RER1: variants seen among roughly 807,000 people sequenced by gnomAD.
RER1 encodes the protein protein RER1.
In RER1, 6 loss-of-function variants were observed where a neutral mutation model predicts 28.3. The ratio of observed to expected loss-of-function variants is 0.21; its 90% CI spans 0.12 to 0.42. The LOEUF (loss-of-function observed/expected upper bound fraction) is 0.42, where lower values mean the gene tolerates loss of function less well. Ranked by LOEUF, RER1 falls within the 10% of genes least tolerant of loss-of-function variation. RER1 has a pLI of 1.00. For synonymous variants in RER1, 110 were observed against 95.9 expected (o/e 1.15, Z -0.86); for missense variants, 159 against 252.9 (o/e 0.63, Z 2.52).
intron 3 of RER1, among the ~76,000 whole-genome samples, chr1:2,398,512 C>G (rs921878733): frequency 1.3e-5 from 2 of 152,218 alleles, no homozygotes; most frequent in African/African-American, 4.8e-5. Context: ...CTTCAGCTTC[C>G]CGAGCAGCTG....
chr1:2,397,330 A>C, intron 3 of RER1, 110 bp downstream of exon 3: 1 of 732,066 alleles, frequency 1.4e-6, no homozygotes, highest in Non-Finnish European at 2.5e-6. Context: ...GTCTCTAGTA[A>C]TCAATTTTCA....
intron 4 of RER1, among the ~76,000 whole-genome samples, chr1:2,400,490 A>C (rs966265548): frequency 2.6e-5 from 4 of 152,210 alleles, no homozygotes; most frequent in African/African-American, 9.7e-5. Flanking sequence ...CCCGGGTTCC[A>C]CGGTCAGCGC....
At chr1:2,398,071 C>T (rs937969081) in intron 3 of RER1, among the ~76,000 whole-genome samples, 6 of 152,212 alleles carry the variant, frequency 3.9e-5, no homozygotes, top group African/African-American at 1.4e-4. Context: ...GGACTTCAGG[C>T]AGGAGCAGGG....
chr1:2,400,127 G>A (rs937876508), intron 4 of RER1, among the ~76,000 whole-genome samples: 8 of 152,242 alleles, frequency 5.3e-5, no homozygotes, highest in African/African-American at 1.9e-4. Flanking sequence ...AGCCCCAGGC[G>A]AGGAACAAAC....
At chr1:2,392,013 C>G (rs1270298895) in intron 1 of RER1, 55 bp downstream of exon 1, 1 of 152,670 alleles carries the variant, frequency 6.6e-6, no homozygotes, top group African/African-American at 2.4e-5. Context: ...GCCTCCGCTT[C>G]TTCCGGGCTG....
chr1:2,405,252 C>T lies in RER1; in HGVS notation c.*2128C>T, dbSNP rs1285233098. 4 of 271,952 alleles carry T rather than the reference C, an allele frequency of 1.5e-5. No homozygotes were observed. Among genetic ancestry groups the T allele is most frequent in the South Asian group, 3.7e-5 (1 of 27,298 alleles). The allele number at this position is 271,952 out of a possible 1,614,324, so 16.8% of individuals were successfully genotyped here. On this transcript the variant is annotated 3_prime_UTR_variant, in exon 7 of 7. Coordinates refer to ENST00000605895, the MANE Select transcript of RER1 (RefSeq NM_007033.5). ...GGGATGTGCTCTGCCCAGCCGCCCTCGGGGAGAGCAGCGCCGCCTCCCATG... is the reference window on the plus strand; with the variant it reads ...GGGATGTGCTCTGCCCAGCCGCCCTTGGGGAGAGCAGCGCCGCCTCCCATG...
chr1:2,397,693 A>G (rs1015235020), intron 3 of RER1, among the ~76,000 whole-genome samples: 1 of 152,208 alleles, frequency 6.6e-6, no homozygotes, highest in Admixed American at 6.5e-5. Flanking sequence ...ACGCCGAGTC[A>G]AGTAAGAGAG....
rs1057168518 is a variant in RER1 at position 2,403,816 on chromosome 1, G to C, written c.*692G>C. ...AGTGTTTTGTTTTTAATTTAAATCTGTCCTCATGCAACCCTCCATGAGGGG... is the reference window on the plus strand; with the variant it reads ...AGTGTTTTGTTTTTAATTTAAATCTCTCCTCATGCAACCCTCCATGAGGGG... On this transcript the variant is annotated 3_prime_UTR_variant, in exon 7 of 7. Coordinates refer to ENST00000605895, the MANE Select transcript of RER1 (RefSeq NM_007033.5). The C allele has an allele frequency of 6.6e-6, 1 of 152,508 alleles. No homozygotes were observed. Among genetic ancestry groups the C allele is most frequent in the African/African-American group, 2.4e-5 (1 of 41,418 alleles). 9.4% of individuals were successfully genotyped at this position (152,508 alleles called of 1,614,324 possible).
intron 1 of RER1, 49 bp from the exon 2 acceptor site, chr1:2,395,735 A>C: frequency 7.5e-7 from 1 of 1,341,494 alleles, no homozygotes; most frequent in African/African-American, 1.4e-5. Flanking sequence ...CCAGGATTTC[A>C]CACCCGTGAA....
In RER1 at chr1:2,404,923, C is replaced by T. The variant is rs998010199; in HGVS notation, c.*1799C>T. 2 of 152,916 alleles carry T rather than the reference C, an allele frequency of 1.3e-5. No individual in the cohort carries two copies. The highest frequency in any genetic ancestry group is 4.8e-5 in the African/African-American group (2 of 41,470). 9.5% of individuals were successfully genotyped at this position (152,916 alleles called of 1,614,324 possible). Reference sequence around the variant, plus strand: ...ACATCAAATGGAGGCGGGAAATAGGCTGGGGCCGAGCTGAGGGGCTGAACA... The same window carrying T: ...ACATCAAATGGAGGCGGGAAATAGGTTGGGGCCGAGCTGAGGGGCTGAACA... On this transcript the variant is annotated 3_prime_UTR_variant, in exon 7 of 7. Transcript: ENST00000605895.
At chr1:2,401,959 G>A in intron 5 of RER1, 1 of 1,427,232 alleles carries the variant, frequency 7.0e-7, no homozygotes, top group Non-Finnish European at 9.3e-7. Context: ...TTTATACTTT[G>A]TGTAGTTTTA....
chr1:2,401,223 TCCTC>T (rs1557903615), intron 5 of RER1, among the ~76,000 whole-genome samples: 2 of 66,550 alleles, frequency 3.0e-5, no homozygotes, highest in Non-Finnish European at 3.6e-5. Flanking sequence ...TCCTCCCTCC[TCCTC>T]CCTTCCTCCC....
At chr1:2,401,269 C>CCTTGT (rs1642848817) in intron 5 of RER1, among the ~76,000 whole-genome samples, 1 of 64,548 alleles carries the variant, frequency 1.5e-5, no homozygotes, top group Non-Finnish European at 3.5e-5. Context: ...CTCCTCCACC[C>CCTTGT]TCCCTCCTCC....
rs994028876 is a variant in RER1, at chr1:2,403,333, C to G, written c.*209C>G. 33 of 516,688 alleles carry G rather than the reference C, an allele frequency of 6.4e-5. No homozygotes were observed. Among genetic ancestry groups the G allele is most frequent in the Non-Finnish European group, 2.1e-5 (6 of 284,356 alleles). The allele number at this position is 516,688 out of a possible 1,614,324, so 32.0% of individuals were successfully genotyped here. A position where few individuals can be genotyped will look rare whatever the true frequency, so the allele number is the denominator to read the frequency against. ...CATGGATTTCTTTTTCAGTGACGTT[C>G]AAGTGTTTCTCACGGATGGAATTCT... On this transcript the variant is annotated 3_prime_UTR_variant, in exon 7 of 7. Coordinates refer to ENST00000605895, the MANE Select transcript of RER1 (RefSeq NM_007033.5).
rs1034811078 is a variant in RER1 at position 2,398,442 on chromosome 1, G to C, written c.187-973G>C. Among the ~76,000 whole-genome samples the C allele has an allele frequency of 7.2e-5, 11 of 152,260 alleles. 1 individual carries two copies. The highest frequency in any genetic ancestry group is 7.2e-4 in the Admixed American group (11 of 15,290). Reference sequence around the variant, plus strand: ...CTCACTCTGTCGCCCAGGCTGGAGTGCAGTGGCCTGATCTTGGCTCACTGC... The same window carrying C: ...CTCACTCTGTCGCCCAGGCTGGAGTCCAGTGGCCTGATCTTGGCTCACTGC... On this transcript the variant is annotated intron_variant, in intron 3 of 6. Transcript: ENST00000605895.
At chr1:2,398,684 C>T (rs1181129979) in intron 3 of RER1, among the ~76,000 whole-genome samples, 4 of 152,340 alleles carry the variant, frequency 2.6e-5, no homozygotes, top group East Asian at 1.9e-4. Context: ...CCACCACACC[C>T]GACAGAAATT....
At chr1:2,397,033 C>G in intron 2 of RER1, 83 bp from the exon 3 acceptor site, 1 of 853,432 alleles carries the variant, frequency 1.2e-6, no homozygotes, top group Non-Finnish European at 1.9e-6. Flanking sequence ...GAAAGCCAAC[C>G]CTAGCAGAAG....
In RER1 at chr1:2,402,228, C is replaced by T. The variant is rs1642875274; in HGVS notation, c.387C>T (p.Ile129=). 10 of 1,614,098 alleles carry T rather than the reference C, an allele frequency of 6.2e-6. No homozygotes were observed. Among genetic ancestry groups the T allele is most frequent in the East Asian group, 2.2e-5 (1 of 44,886 alleles). The change falls in exon 6 of 7, where the codon ATC becomes ATT. Residue 129 remains isoleucine (I), a synonymous_variant. Coordinates refer to ENST00000605895, the MANE Select transcript of RER1 (RefSeq NM_007033.5). ...GAAGGCATGCGGCTACCAAGGGCAT[C>T]CTTGTGGCTATGGTCTGTACTTTCT... ...FKFWHAATKG[I]LVAMVCTFFD...
intron 4 of RER1, among the ~76,000 whole-genome samples, chr1:2,399,863 C>T (rs148581728): frequency 1.7e-4 from 26 of 152,300 alleles, no homozygotes; most frequent in African/African-American, 5.8e-4. Flanking sequence ...TCAGAATCAG[C>T]GGAGGCAGCC....
Sources: allele counts gnomAD v4.1 joint callset (sites outside exome capture counted in the v4.1 genomes callset), GRCh38; gene constraint gnomAD v4.1.1; transcripts MANE v1.5; gene names NCBI Gene and HGNC (gene_info 2026-07-23, HGNC 2026-07-21).